NBPF15: variants seen among roughly 807,000 people sequenced by gnomAD.
NBPF15 encodes NBPF family member NBPF15.
In NBPF15, 74 loss-of-function variants were observed where a neutral mutation model predicts 62.2. That is an observed-to-expected ratio of 1.19 (90% CI 0.99 to 1.44). The LOEUF (loss-of-function observed/expected upper bound fraction) is 1.44. Among genes scored for constraint, NBPF15 ranks in the 40% most tolerant of loss-of-function variants. The pLI is 0.00. For missense variants in NBPF15, 790 were observed against 550.0 expected, an observed-to-expected ratio of 1.44 and a Z score of -4.36; for synonymous variants, 244 against 209.7, an observed-to-expected ratio of 1.16 and a Z score of -1.41.
intron 6 of NBPF15, among the ~76,000 whole-genome samples, chr1:144,445,157 C>T (rs1686385475): frequency 6.6e-6 from 1 of 150,738 alleles, no homozygotes. Flanking sequence ...ATTCATGTAT[C>T]TTCTTTTCTG....
In NBPF15 at chr1:144,429,059, G is replaced by C. The variant is rs1186889947; in HGVS notation, c.989-402C>G. Among the ~76,000 whole-genome samples the C allele has an allele frequency of 7.9e-5, 12 of 152,020 alleles. No homozygotes were observed. In the East Asian group the frequency reaches 2.3e-3, roughly 29 times the overall value. ...GTGGACACAGAGATTTGATGAAGGG[G>C]TGCAATGTACCAGCTCTTGAGTCAA... On this transcript the variant is annotated intron_variant, in intron 14 of 21. Transcript: ENST00000581897.
At chr1:144,455,934 T>G (rs1256053556) in intron 4 of NBPF15, among the ~76,000 whole-genome samples, 1 of 152,156 alleles carries the variant, frequency 6.6e-6, no homozygotes, top group African/African-American at 2.4e-5. Context: ...AGAATTCCAC[T>G]GTGGCCCATA....
At chr1:144,436,066 C>T (rs1553541089) in intron 10 of NBPF15, among the ~76,000 whole-genome samples, 2 of 151,540 alleles carry the variant, frequency 1.3e-5, no homozygotes, top group African/African-American at 2.4e-5. Flanking sequence ...CAAGATGTGG[C>T]CAAATATTGA....
intron 19 of NBPF15, among the ~76,000 whole-genome samples, chr1:144,425,094 A>ACC (rs1668735450): frequency 6.9e-6 from 1 of 145,484 alleles, no homozygotes; most frequent in African/African-American, 2.7e-5. Flanking sequence ...ACACACACAC[A>ACC]CACACACACA....
intron 18 of NBPF15, among the ~76,000 whole-genome samples, chr1:144,426,035 C>T (rs1203140924): frequency 6.1e-5 from 1 of 16,476 alleles, no homozygotes; most frequent in Admixed American, 6.4e-4. Flanking sequence ...GTCCAATGTG[C>T]TGAGAGCGGG....
chr1:144,441,986 G>A (rs1250471450), intron 6 of NBPF15, among the ~76,000 whole-genome samples: 1 of 148,372 alleles, frequency 6.7e-6, no homozygotes, highest in African/African-American at 2.5e-5. Flanking sequence ...ACAGGGCGGG[G>A]AACATCACAC....
intron 4 of NBPF15, among the ~76,000 whole-genome samples, chr1:144,455,313 C>T (rs1553546614): frequency 1.3e-5 from 2 of 151,746 alleles, no homozygotes; most frequent in African/African-American, 4.8e-5. Context: ...AGGAAATGAA[C>T]AAATTTACAT....
rs1232053314 is a variant in NBPF15 at position 144,444,085 on chromosome 1, C to T, written c.-190-3790G>A. Among the ~76,000 whole-genome samples, 5 of 151,800 alleles carry T rather than the reference C, an allele frequency of 3.3e-5. No individual in the cohort carries two copies. The East Asian group carries it at 7.8e-4, about 24-fold the overall frequency. The stretch of plus-strand genomic sequence containing the variant: ...TTGTAAATACTGAGTAGTATTCCTT[C>T]GTGTGGCTATACCATGTATGTTTGT... On this transcript the variant is annotated intron_variant, in intron 6 of 21. Transcript: ENST00000581897.
At chr1:144,424,012 T>A in intron 20 of NBPF15, 37 bp from the exon 21 acceptor site, 1 of 763,204 alleles carries the variant, frequency 1.3e-6, no homozygotes, top group African/African-American at 1.7e-5. Context: ...CACATTAAGC[T>A]GATTCCCCTA....
intron 13 of NBPF15, among the ~76,000 whole-genome samples, chr1:144,432,176 T>G (rs1480233327): frequency 3.9e-5 from 6 of 152,006 alleles, no homozygotes; most frequent in African/African-American, 1.4e-4. Flanking sequence ...AAGAAAAGAA[T>G]TTTCAACCCA....
rs376963851 is a variant in NBPF15 at position 144,456,468 on chromosome 1, C to T, written c.-432+69G>A. ...TTTAGGGCCCTTGGCATCTTCCCTT[C>T]ACATCTGAGTCATAATAGAAAAAGG... is the stretch of plus-strand genomic sequence containing the variant. On this transcript the variant is annotated intron_variant, in intron 4 of 21. Coordinates refer to ENST00000581897, the MANE Select transcript of NBPF15 (RefSeq NM_001385408.1). 7.6e-6 allele frequency: 8 copies of T among 1,053,220 alleles called. No homozygotes were observed. In the East Asian group the frequency reaches 2.0e-4, roughly 27 times the overall value. The allele number at this position is 1,053,220 out of a possible 1,614,324, so 65.2% of individuals were successfully genotyped here.
chr1:144,439,418 C>A (rs1297662877), intron 8 of NBPF15, among the ~76,000 whole-genome samples: 1 of 152,006 alleles, frequency 6.6e-6, no homozygotes. Context: ...CAGAGCTTTG[C>A]CTGTTGGGCC....
intron 15 of NBPF15, among the ~76,000 whole-genome samples, chr1:144,428,221 C>T (rs587613885): frequency 2.0e-5 from 3 of 150,160 alleles, no homozygotes; most frequent in African/African-American, 7.5e-5. Context: ...ACAGAGCGAG[C>T]TCAGTGAATT....
At chr1:144,432,104 C>G (rs1674786443) in intron 13 of NBPF15, among the ~76,000 whole-genome samples, 1 of 152,050 alleles carries the variant, frequency 6.6e-6, no homozygotes, top group South Asian at 2.1e-4. Context: ...TTTACAGTCC[C>G]ACCAACAGTG....
chr1:144,447,816 A>T (rs1363482861), intron 6 of NBPF15, among the ~76,000 whole-genome samples: 1 of 152,118 alleles, frequency 6.6e-6, no homozygotes, highest in Non-Finnish European at 1.5e-5. Context: ...CTAATTTGAA[A>T]TAAAGTGCTA....
chr1:144,439,042 G>A (rs1680887521), intron 8 of NBPF15, among the ~76,000 whole-genome samples: 1 of 151,512 alleles, frequency 6.6e-6, no homozygotes. Flanking sequence ...GGAGTGCAAT[G>A]GCAAAATCTT....
At chr1:144,442,102 G>GTATATATATATATAA (rs1683337048) in intron 6 of NBPF15, among the ~76,000 whole-genome samples, 2 of 100,692 alleles carry the variant, frequency 2.0e-5, no homozygotes, top group East Asian at 2.8e-4. Flanking sequence ...TGGCACACGT[G>GTATATATATATATAA]TATATATATA....
At chr1:144,456,194 C>G (rs1400626802) in intron 4 of NBPF15, among the ~76,000 whole-genome samples, 1 of 144,418 alleles carries the variant, frequency 6.9e-6, no homozygotes, top group Admixed American at 7.0e-5. Context: ...AAGGGGACGG[C>G]AGGGTGGAAA....
chr1:144,439,824 C>T lies in NBPF15; in HGVS notation c.175+5G>A, dbSNP rs1356364424. On this transcript the variant is annotated splice_donor_5th_base_variant and intron_variant, in intron 8 of 21. Coordinates refer to ENST00000581897, the MANE Select transcript of NBPF15 (RefSeq NM_001385408.1). Reference sequence around the variant, plus strand: ...CTTTCATGACGGTGAGCCTATAGATCTTACTGTATTTCTTCTGTCGGTTGG... The same window carrying T: ...CTTTCATGACGGTGAGCCTATAGATTTTACTGTATTTCTTCTGTCGGTTGG... 1.5e-5 allele frequency: 24 copies of T among 1,590,778 alleles called. No individual in the cohort carries two copies. The Admixed American group carries it at 1.7e-4, about 11-fold the overall frequency.
Sources: gnomAD v4.1 joint callset for allele counts (sites outside exome capture counted in the v4.1 genomes callset) on GRCh38, gnomAD v4.1.1 for gene constraint, MANE v1.5 for transcripts, NCBI Gene and HGNC (gene_info 2026-07-23, HGNC 2026-07-21) for gene names.